Variants in PCDH11X observed in about 807,000 individuals in gnomAD.
PCDH11X encodes the protein protocadherin 11 X-linked.
A neutral mutation model predicts 53.3 loss-of-function variants in PCDH11X; 18 were observed. The observed-to-expected ratio is 0.34, with a 90% confidence interval of 0.23 to 0.50. The LOEUF (loss-of-function observed/expected upper bound fraction) is 0.50, where lower values mean the gene tolerates loss of function less well. PCDH11X is among the 20% of genes least tolerant of loss of function. The probability of loss-of-function intolerance (pLI) is 0.98; values close to 1 mark genes in which losing one functional copy is unlikely to be tolerated. For missense variants in PCDH11X, 570 were observed against 1,032.4 expected (o/e 0.55, Z 6.14); for synonymous variants, 279 against 393.3 (o/e 0.71, Z 3.44).
chrX:91,801,039 G>C (rs1336150921), intron 1 of PCDH11X, among the ~76,000 whole-genome samples: 1 of 107,409 alleles, frequency 9.3e-6, no homozygotes, highest in Admixed American at 1.0e-4. Flanking sequence ...AATTAGCTGG[G>C]TGTGGTGGCA....
At chrX:92,577,491 A>T (rs1421451137) in intron 10 of PCDH11X, among the ~76,000 whole-genome samples, 2 of 110,148 alleles carry the variant, frequency 1.8e-5, no homozygotes, top group African/African-American at 6.6e-5. Context: ...TTTTCAAAAA[A>T]CCAGCTCCAA....
chrX:92,459,972 T>A, intron 9 of PCDH11X: 13 of 1,146,660 alleles, frequency 1.1e-5, no homozygotes, highest in Non-Finnish European at 1.5e-5. Flanking sequence ...GCCTGGAGAC[T>A]GAGAACCGTA....
chrX:92,420,132 A>G (rs1478210542), intron 9 of PCDH11X, among the ~76,000 whole-genome samples: 1 of 111,524 alleles, frequency 9.0e-6, no homozygotes, highest in East Asian at 2.8e-4. Flanking sequence ...CAGTTTACTC[A>G]GAGTTATATT....
At chrX:92,229,298 A>T (rs1020495104) in intron 7 of PCDH11X, among the ~76,000 whole-genome samples, 1 of 111,301 alleles carries the variant, frequency 9.0e-6, no homozygotes, top group Non-Finnish European at 1.9e-5. Flanking sequence ...AGGGGGTAGG[A>T]GTATCAATCA....
intron 9 of PCDH11X, among the ~76,000 whole-genome samples, chrX:92,464,094 A>G (rs2073107013): frequency 8.9e-6 from 1 of 111,981 alleles, no homozygotes; most frequent in Non-Finnish European, 1.9e-5. Context: ...GTAGTAACCT[A>G]ATTTTTATTG....
At chrX:92,194,459 T>A (rs184065270) in intron 6 of PCDH11X, among the ~76,000 whole-genome samples, 1 of 111,199 alleles carries the variant, frequency 9.0e-6, no homozygotes, top group East Asian at 2.8e-4. Flanking sequence ...ATGGCACCTA[T>A]CTTAATTAGC....
At chrX:92,101,735 G>C (rs6618852) in intron 6 of PCDH11X, among the ~76,000 whole-genome samples, 3 of 108,728 alleles carry the variant, frequency 2.8e-5, no homozygotes, top group Non-Finnish European at 5.7e-5. Context: ...TTCCTGACTC[G>C]GGCATGTTGA....
intron 4 of PCDH11X, among the ~76,000 whole-genome samples, chrX:91,818,501 C>T (rs1320382132): frequency 1.8e-5 from 2 of 108,735 alleles, no homozygotes; most frequent in African/African-American, 6.8e-5. Context: ...AGATCAAAAC[C>T]ATCCTGGCTA....
chrX:92,022,129 G>A (rs1260229061), intron 6 of PCDH11X, among the ~76,000 whole-genome samples: 1 of 107,098 alleles, frequency 9.3e-6, no homozygotes, highest in Non-Finnish European at 1.9e-5. Context: ...GCAAAATAAC[G>A]AGCTAGCATC....
chrX:92,537,199 G>A (rs931096945), intron 10 of PCDH11X, among the ~76,000 whole-genome samples: 10 of 102,000 alleles, frequency 9.8e-5, no homozygotes, highest in African/African-American at 2.8e-4. Flanking sequence ...TTAACTTTAC[G>A]TGATCCCATT....
At chrX:92,325,243 G>T (rs984779488) in intron 8 of PCDH11X, among the ~76,000 whole-genome samples, 2 of 110,497 alleles carry the variant, frequency 1.8e-5, no homozygotes, top group African/African-American at 6.6e-5. Flanking sequence ...CTATGCCCAA[G>T]AATTCTAGAA....
chrX:92,353,783 A>G (rs758569466), intron 8 of PCDH11X, among the ~76,000 whole-genome samples: 1 of 110,820 alleles, frequency 9.0e-6, no homozygotes, highest in Non-Finnish European at 1.9e-5. Flanking sequence ...TCTTACTGCT[A>G]TCAATGTTAT....
At chrX:91,819,012 T>C (rs950761940) in intron 4 of PCDH11X, among the ~76,000 whole-genome samples, 7 of 112,311 alleles carry the variant, frequency 6.2e-5, no homozygotes, top group African/African-American at 2.3e-4. Flanking sequence ...TCCAACTCTG[T>C]ACAGGCAGAA....
chrX:91,823,287 C>T (rs955125511), intron 4 of PCDH11X, among the ~76,000 whole-genome samples: 1 of 110,747 alleles, frequency 9.0e-6, no homozygotes, highest in Non-Finnish European at 1.9e-5. Context: ...TAAAGTCTCC[C>T]ATTATTAATG....
chrX:91,833,972 G>T (rs1337193133), intron 4 of PCDH11X, among the ~76,000 whole-genome samples: 1 of 111,422 alleles, frequency 9.0e-6, no homozygotes, highest in Non-Finnish European at 1.9e-5. Context: ...ATACCTATAT[G>T]CATTAATACA....
intron 9 of PCDH11X, among the ~76,000 whole-genome samples, chrX:92,467,186 C>A (rs754993166): frequency 8.2e-4 from 91 of 111,078 alleles, no homozygotes; most frequent in African/African-American, 2.7e-3. Context: ...ACATTGCATA[C>A]AGATGAAACA....
intron 6 of PCDH11X, among the ~76,000 whole-genome samples, chrX:92,076,423 A>G (rs2063773823): frequency 1.0e-5 from 1 of 98,432 alleles, no homozygotes; most frequent in Non-Finnish European, 1.9e-5. Flanking sequence ...AGACTCAGCT[A>G]TAGTTTGTTC....
At chrX:92,123,697 G>A (rs1438254461) in intron 6 of PCDH11X, among the ~76,000 whole-genome samples, 1 of 105,091 alleles carries the variant, frequency 9.5e-6, no homozygotes, top group African/African-American at 3.5e-5. Context: ...AAATCAGGCC[G>A]TTGGCCATCC....
At chrX:91,988,412 T>A (rs1456524838) in intron 6 of PCDH11X, among the ~76,000 whole-genome samples, 2 of 112,585 alleles carry the variant, frequency 1.8e-5, no homozygotes, top group East Asian at 5.6e-4. Flanking sequence ...TGTCTTCCTC[T>A]TTGCTGAGGG....
Sources: allele counts gnomAD v4.1 joint callset (sites outside exome capture counted in the v4.1 genomes callset), GRCh38; gene constraint gnomAD v4.1.1; transcripts MANE v1.5; gene names NCBI Gene and HGNC (gene_info 2026-07-23, HGNC 2026-07-21).